Variants in GRIK1 observed in about 807,000 individuals in gnomAD.
GRIK1 encodes the protein glutamate ionotropic receptor kainate type subunit 1, also known as glutamate receptor ionotropic, kainate 1.
A neutral mutation model predicts 105.7 loss-of-function variants in GRIK1; 69 were observed. The ratio of observed to expected loss-of-function variants is 0.65; its 90% CI spans 0.54 to 0.80. The LOEUF is 0.80. GRIK1 is among the 30% of genes least tolerant of loss of function. The probability of loss-of-function intolerance (pLI) is 0.00; values close to 1 mark genes in which losing one functional copy is unlikely to be tolerated. For missense variants in GRIK1, 1,109 were observed against 1,167.3 expected (o/e 0.95, Z 0.73); for synonymous variants, 438 against 431.3 (o/e 1.02, Z -0.19).
At chr21:29,827,954 T>C (rs1202520873) in intron 1 of GRIK1, among the ~76,000 whole-genome samples, 1 of 151,596 alleles carries the variant, frequency 6.6e-6, no homozygotes, top group South Asian at 2.1e-4. Flanking sequence ...TGAGCTCATG[T>C]CTTTCTATAA....
At chr21:29,598,809 A>T (rs753259605) in intron 8 of GRIK1, 21 bp downstream of exon 8, 6 of 1,029,384 alleles carry the variant, frequency 5.8e-6, no homozygotes, top group Non-Finnish European at 8.9e-6. Context: ...TATTTTATTT[A>T]TTTATTGTTA....
chr21:29,924,905 C>T (rs148472845), intron 1 of GRIK1, among the ~76,000 whole-genome samples: 3 of 152,302 alleles, frequency 2.0e-5, no homozygotes, highest in African/African-American at 7.2e-5. Context: ...CCCCTTCCCT[C>T]TAACTTTCTG....
rs2067461842 is a variant in GRIK1 at position 29,826,523 on chromosome 21, G to T, written c.118+112860C>A. On this transcript the variant is annotated intron_variant, in intron 1 of 17. Transcript: ENST00000327783. ...ACCCCCTTGAGCAAGAAGGAATTCT[G>T]CAGCAGATGGCCTTCAGATTTAAAA... Among the ~76,000 whole-genome samples, 6 of 152,104 alleles carry T rather than the reference G, an allele frequency of 3.9e-5. 1 individual carries two copies. In the South Asian group the frequency reaches 1.2e-3, roughly 31 times the overall value.
chr21:29,725,751 A>G (rs1205693548), intron 1 of GRIK1, among the ~76,000 whole-genome samples: 1 of 152,232 alleles, frequency 6.6e-6, no homozygotes, highest in African/African-American at 2.4e-5. Flanking sequence ...CCATAATTTT[A>G]GCATAAAACC....
At chr21:29,876,819 C>A (rs867842919) in intron 1 of GRIK1, among the ~76,000 whole-genome samples, 28 of 152,088 alleles carry the variant, frequency 1.8e-4, no homozygotes, top group African/African-American at 6.5e-4. Context: ...TTAGGCAATT[C>A]GTTTGGCTTT....
chr21:29,688,814 A>AGG (rs1273423792), intron 3 of GRIK1, among the ~76,000 whole-genome samples: 3 of 152,118 alleles, frequency 2.0e-5, no homozygotes, highest in Admixed American at 1.3e-4. Flanking sequence ...ACCACCGTGA[A>AGG]GGTCGTGCAA....
intron 1 of GRIK1, among the ~76,000 whole-genome samples, chr21:29,779,335 A>AGTGTGTGTGT (rs3054347): frequency 4.7e-5 from 7 of 149,752 alleles, no homozygotes; most frequent in African/African-American, 1.7e-4. Flanking sequence ...TCAGTGAGTG[A>AGTGTGTGTGT]GTGTGTGTGT....
At chr21:29,843,513 G>C (rs774355121) in intron 1 of GRIK1, among the ~76,000 whole-genome samples, 8 of 152,114 alleles carry the variant, frequency 5.3e-5, no homozygotes, top group Non-Finnish European at 1.0e-4. Context: ...CCAATATTTT[G>C]AAATTTGTTG....
Position 29,541,575 on chromosome 21 carries a change from C to CTTT in GRIK1, c.2608-3694_2608-3692dup, listed in dbSNP as rs34910439. Among the ~76,000 whole-genome samples, 124 of 95,942 alleles carry CTTT rather than the reference C, an allele frequency of 1.3e-3. 1 individual carries two copies. The highest frequency in any genetic ancestry group is 5.5e-3 in the Middle Eastern group (1 of 182). The allele number at this position is 95,942 out of a possible 152,430, so 62.9% of individuals were successfully genotyped here. ...CTATGCCATTCATTGCACTCACGGTCTTTTTTTTTTTTTTTTTTTTTGTGG... is the reference window on the plus strand; with the variant it reads ...CTATGCCATTCATTGCACTCACGGTCTTTTTTTTTTTTTTTTTTTTTTTTGTGG... On this transcript the variant is annotated intron_variant, in intron 16 of 17. Transcript: ENST00000327783.
intron 1 of GRIK1, among the ~76,000 whole-genome samples, chr21:29,830,152 T>C (rs1281157005): frequency 6.6e-6 from 1 of 152,128 alleles, no homozygotes; most frequent in Non-Finnish European, 1.5e-5. Context: ...TTTCCAACCA[T>C]GGAAATGTAT....
intron 7 of GRIK1, among the ~76,000 whole-genome samples, chr21:29,610,044 C>T (rs1049971147): frequency 1.3e-5 from 2 of 152,044 alleles, no homozygotes; most frequent in Non-Finnish European, 2.9e-5. Context: ...TTCAGAAAGC[C>T]CTCTCTGGAA....
intron 1 of GRIK1, among the ~76,000 whole-genome samples, chr21:29,821,982 A>G (rs1781308567): frequency 6.6e-6 from 1 of 152,080 alleles, no homozygotes; most frequent in African/African-American, 2.4e-5. Flanking sequence ...ATATTTGCAT[A>G]TAAGTGGACC....
chr21:29,718,401 A>G (rs1217099200), intron 1 of GRIK1, among the ~76,000 whole-genome samples: 1 of 152,220 alleles, frequency 6.6e-6, no homozygotes, highest in Non-Finnish European at 1.5e-5. Flanking sequence ...TAGAAGCCTC[A>G]TAAACACTCA....
At chr21:29,850,649 T>C (rs1490435461) in intron 1 of GRIK1, among the ~76,000 whole-genome samples, 1 of 152,210 alleles carries the variant, frequency 6.6e-6, no homozygotes, top group Non-Finnish European at 1.5e-5. Context: ...ATTCTTGGCC[T>C]CCATCTGGAC....
chr21:29,897,325 A>G (rs2070206636), intron 1 of GRIK1, among the ~76,000 whole-genome samples: 1 of 152,202 alleles, frequency 6.6e-6, no homozygotes, highest in Non-Finnish European at 1.5e-5. Context: ...ATGCCTGCAA[A>G]TGAAATTGAC....
rs1191471277 is a variant in GRIK1 at position 29,896,063 on chromosome 21, T to C, written c.118+43320A>G. 2.0e-5 allele frequency among the ~76,000 whole-genome samples: 3 copies of C among 152,184 alleles called. No homozygotes were observed. In the East Asian group the frequency reaches 5.8e-4, roughly 29 times the overall value. ...TATCTCCCTCGCTTTTTTCCAAATATTTTCACTAAACTGATATTCTATCCT... is the reference window on the plus strand; with the variant it reads ...TATCTCCCTCGCTTTTTTCCAAATACTTTCACTAAACTGATATTCTATCCT... On this transcript the variant is annotated intron_variant, in intron 1 of 17. Coordinates refer to ENST00000327783, the MANE Select transcript of GRIK1 (RefSeq NM_001330994.2).
At chr21:29,930,797 C>T (rs2071539429) in intron 1 of GRIK1, among the ~76,000 whole-genome samples, 1 of 152,152 alleles carries the variant, frequency 6.6e-6, no homozygotes. Context: ...CTTATTTCTT[C>T]AATGATTTTT....
chr21:29,693,008 A>G (rs2063614978), intron 2 of GRIK1, among the ~76,000 whole-genome samples: 1 of 152,218 alleles, frequency 6.6e-6, no homozygotes, highest in Admixed American at 6.5e-5. Context: ...CTACATGGAA[A>G]CAACCAGCAT....
At chr21:29,855,292 T>G (rs889575654) in intron 1 of GRIK1, among the ~76,000 whole-genome samples, 16 of 152,260 alleles carry the variant, frequency 1.1e-4, no homozygotes, top group African/African-American at 3.6e-4. Context: ...ATAATATTGG[T>G]TACATATAAA....
Sources: allele counts gnomAD v4.1 joint callset (sites outside exome capture counted in the v4.1 genomes callset), GRCh38; gene constraint gnomAD v4.1.1; transcripts MANE v1.5; gene names NCBI Gene and HGNC (gene_info 2026-07-23, HGNC 2026-07-21).